KLHL7: variants seen among roughly 807,000 people sequenced by gnomAD.
The protein encoded by KLHL7 is kelch-like protein 7.
Under a neutral mutation model 67.4 loss-of-function variants are expected in KLHL7, and 44 were observed. The observed-to-expected ratio is 0.65, with a 90% CI of 0.51 to 0.84. The LOEUF (loss-of-function observed/expected upper bound fraction) is 0.84. KLHL7 is among the 40% of genes least tolerant of loss of function. The pLI is 0.00. For missense variants in KLHL7, 362 were observed against 718.1 expected, an observed-to-expected ratio of 0.50 and a Z score of 5.67; for synonymous variants, 252 against 243.3, an observed-to-expected ratio of 1.04 and a Z score of -0.33.
Position 23,172,948 on chromosome 7 carries a change from A to G in KLHL7, c.1380A>G (p.Thr460=). 1.2e-6 allele frequency: 2 copies of G among 1,612,238 alleles called. No homozygotes were observed. Among genetic ancestry groups the G allele is most frequent in the South Asian group, 2.2e-5 (2 of 91,052 alleles). Reference sequence around the variant, plus strand: ...ACACTAAAAACTTTAATTTTTTCAGATGGACTGAGCTGTGTCCAATGATTG... The same window carrying G: ...ACACTAAAAACTTTAATTTTTTCAGGTGGACTGAGCTGTGTCCAATGATTG... The part of the protein sequence containing the change: ...SCEVYDPATE[T]WTELCPMIEA... Residue 460 remains threonine (T), a splice_region_variant and synonymous_variant, in exon 10 of 11, where the codon ACA becomes ACG. Coordinates refer to ENST00000339077, the MANE Select transcript of KLHL7 (RefSeq NM_001031710.3).
At chr7:23,171,604 G>T (rs1489634459) in intron 9 of KLHL7, among the ~76,000 whole-genome samples, 1 of 152,182 alleles carries the variant, frequency 6.6e-6, no homozygotes, top group Non-Finnish European at 1.5e-5. Flanking sequence ...AGTGGTGACT[G>T]TCAAACCATT....
intron 10 of KLHL7, 47 bp downstream of exon 10, chr7:23,173,092 A>G: frequency 1.5e-6 from 2 of 1,290,420 alleles, no homozygotes; most frequent in Non-Finnish European, 2.3e-6. Context: ...GAGTTTGCTG[A>G]TACTTCCTTA....
intron 4 of KLHL7, chr7:23,129,386 T>A: frequency 2.6e-6 from 1 of 388,170 alleles, no homozygotes; most frequent in South Asian, 2.2e-5. Flanking sequence ...TCCCAAATGA[T>A]GTTACGACTC....
Position 23,175,102 on chromosome 7 carries a change from T to TA in KLHL7, c.*805dup, listed in dbSNP as rs1226574541. 1 of 454,098 alleles carries TA rather than the reference T, an allele frequency of 2.2e-6. No homozygotes were observed. The highest frequency in any genetic ancestry group is 6.9e-5 in the East Asian group (1 of 14,402). 28.1% of individuals were successfully genotyped at this position (454,098 alleles called of 1,614,324 possible). ...AGTAAAGCTATTTATAGCAAATTTC[T>TA]AGATCATTAGAAAAGCACTGGTAGT... On this transcript the variant is annotated 3_prime_UTR_variant, in exon 11 of 11. Transcript: ENST00000339077.
intron 4 of KLHL7, among the ~76,000 whole-genome samples, chr7:23,130,165 TTAG>T (rs550607096): frequency 1.5e-3 from 226 of 152,280 alleles, no homozygotes; most frequent in Non-Finnish European, 2.3e-3. Context: ...AAAAGAGCAA[TTAG>T]TAGTCTTTTT....
intron 9 of KLHL7, among the ~76,000 whole-genome samples, chr7:23,169,057 A>G (rs1475170127): frequency 6.6e-6 from 1 of 152,054 alleles, no homozygotes; most frequent in Non-Finnish European, 1.5e-5. Flanking sequence ...GGTCAGGAGT[A>G]TGAGATCAGC....
At chr7:23,124,960 T>G in intron 3 of KLHL7, 88 bp from the exon 4 acceptor site, 1 of 1,289,540 alleles carries the variant, frequency 7.8e-7, no homozygotes, top group South Asian at 1.2e-5. Context: ...TTGTGTTTAA[T>G]TTCAGGGGCT....
At position 23,144,327 on chromosome 7, in the gene KLHL7, G is replaced by A. The variant is rs114154787; in HGVS notation, c.793+302G>A. Reference sequence around the variant, plus strand: ...TTCCTTTTTTATTTTACTCAGCCAAGTAGTGTACTGTGATCACATTTTCTT... The same window carrying A: ...TTCCTTTTTTATTTTACTCAGCCAAATAGTGTACTGTGATCACATTTTCTT... On this transcript the variant is annotated intron_variant, in intron 6 of 10. Transcript: ENST00000339077. 3.6e-3 allele frequency among the ~76,000 whole-genome samples: 550 copies of A among 152,234 alleles called. 3 individuals carry two copies. The highest frequency in any genetic ancestry group is 0.012 in the African/African-American group (493 of 41,508).
chr7:23,141,055 G>A, intron 5 of KLHL7, 111 bp downstream of exon 5: 4 of 953,162 alleles, frequency 4.2e-6, no homozygotes, highest in Non-Finnish European at 6.7e-6. Context: ...GAAAGAATAT[G>A]TTCTTTACAC....
intron 1 of KLHL7, among the ~76,000 whole-genome samples, chr7:23,112,685 A>G (rs756576197): frequency 9.9e-5 from 15 of 152,232 alleles, no homozygotes; most frequent in Admixed American, 2.6e-4. Context: ...AACTAAAAAT[A>G]CTTATAGTAG....
chr7:23,133,777 T>C (rs994645357), intron 4 of KLHL7, among the ~76,000 whole-genome samples: 6 of 152,220 alleles, frequency 3.9e-5, no homozygotes, highest in Non-Finnish European at 5.9e-5. Context: ...TGTATAGTAA[T>C]GCTACTAAGT....
intron 1 of KLHL7, 69 bp downstream of exon 1, chr7:23,106,215 G>A (rs1782630245): frequency 6.3e-7 from 1 of 1,577,360 alleles, no homozygotes; most frequent in Admixed American, 1.9e-5. Flanking sequence ...TGGTTCCCGG[G>A]GTGGAACCCC....
rs2141305 is a variant in KLHL7 at position 23,152,280 on chromosome 7, T to G, written c.936+71T>G. ...CTGAACACATAAGACACTCACCAAC[T>G]AGAAGTAGTAATAACTCATACCTTT... On this transcript the variant is annotated intron_variant, in intron 7 of 10. Transcript: ENST00000339077. 5 of 1,371,876 alleles carry G rather than the reference T, an allele frequency of 3.6e-6. No individual in the cohort carries two copies. The African/African-American group carries it at 7.1e-5, about 20-fold the overall frequency. 85.0% of individuals were successfully genotyped at this position (1,371,876 alleles called of 1,614,324 possible).
chr7:23,123,979 G>A, intron 2 of KLHL7, 100 bp downstream of exon 2: 1 of 848,798 alleles, frequency 1.2e-6, no homozygotes, highest in Non-Finnish European at 1.9e-6. Context: ...AAGCAGTTAA[G>A]AACTTAAGGC....
At chr7:23,120,563 A>G (rs1246446492) in intron 1 of KLHL7, among the ~76,000 whole-genome samples, 1 of 151,644 alleles carries the variant, frequency 6.6e-6, no homozygotes, top group African/African-American at 2.4e-5. Flanking sequence ...CTAGAATCTA[A>G]TATTTATTAT....
chr7:23,139,210 C>T (rs1347460144), intron 4 of KLHL7, among the ~76,000 whole-genome samples: 2 of 151,614 alleles, frequency 1.3e-5, no homozygotes, highest in African/African-American at 2.4e-5. Flanking sequence ...TTGCTATAAA[C>T]CTAAAACTGC....
chr7:23,122,557 T>C (rs1389939679), intron 1 of KLHL7, among the ~76,000 whole-genome samples: 1 of 152,180 alleles, frequency 6.6e-6, no homozygotes, highest in Non-Finnish European at 1.5e-5. Context: ...AGAATAAAAA[T>C]AGCTTTAGTT....
rs1785281232 is a variant in KLHL7 at position 23,175,685 on chromosome 7, G to A, written c.*1387G>A. The A allele has an allele frequency of 8.9e-6, 2 of 225,312 alleles. No homozygotes were observed. Among genetic ancestry groups the A allele is most frequent in the Non-Finnish European group, 1.7e-5 (2 of 114,380 alleles). The allele number at this position is 225,312 out of a possible 1,614,324, so 14.0% of individuals were successfully genotyped here. On this transcript the variant is annotated 3_prime_UTR_variant, in exon 11 of 11. Coordinates refer to ENST00000339077, the MANE Select transcript of KLHL7 (RefSeq NM_001031710.3). Reference sequence around the variant, plus strand: ...ATTTAAAGTATACTATTCAGGCCAGGCACAGTGGCTCACGCCTGTAATCCC... The same window carrying A: ...ATTTAAAGTATACTATTCAGGCCAGACACAGTGGCTCACGCCTGTAATCCC...
At chr7:23,139,658 A>T (rs1784109526) in intron 4 of KLHL7, among the ~76,000 whole-genome samples, 1 of 152,270 alleles carries the variant, frequency 6.6e-6, no homozygotes, top group African/African-American at 2.4e-5. Context: ...ATCAAAATTC[A>T]TTAAATGAAG....
Sources: allele counts gnomAD v4.1 joint callset (sites outside exome capture counted in the v4.1 genomes callset), GRCh38; gene constraint gnomAD v4.1.1; transcripts MANE v1.5; gene names NCBI Gene and HGNC (gene_info 2026-07-23, HGNC 2026-07-21).